The following MCUB variants were observed in gnomAD, a reference collection of about 807,000 sequenced individuals.
The protein encoded by MCUB is calcium uniporter regulatory subunit MCUb, mitochondrial.
Under a neutral mutation model 41.4 loss-of-function variants are expected in MCUB, and 46 were observed. The observed-to-expected ratio is 1.11, with a 90% CI of 0.88 to 1.42. The LOEUF is 1.42. Ranked by LOEUF, MCUB falls within the 40% of genes most tolerant of loss-of-function variation. MCUB has a pLI of 0.00. For synonymous variants in MCUB, 148 were observed against 148.2 expected (o/e 1.00, Z 0.01); for missense variants, 403 against 404.9 (o/e 1.00, Z 0.04).
Position 109,680,668 on chromosome 4 carries a change from G to C in MCUB, c.452-1914G>C, listed in dbSNP as rs151048377. On this transcript the variant is annotated intron_variant, in intron 4 of 7. Coordinates refer to ENST00000394650, the MANE Select transcript of MCUB (RefSeq NM_017918.5). ...GCAGCTATAGCCTAGACTATGGAAG[G>C]GGGTAAAGACCACAGCAGTCTTGAA... is the stretch of plus-strand genomic sequence containing the variant. 1.8e-4 allele frequency among the ~76,000 whole-genome samples: 28 copies of C among 152,136 alleles called. 1 individual carries two copies. Among genetic ancestry groups the C allele is most frequent in the East Asian group, 1.2e-3 (6 of 5,200 alleles).
At chr4:109,625,199 C>G (rs1163450602) in intron 1 of MCUB, among the ~76,000 whole-genome samples, 1 of 152,126 alleles carries the variant, frequency 6.6e-6, no homozygotes. Context: ...CTGAAGAACA[C>G]TATGCCTGCT....
At chr4:109,687,402 T>C (rs1285139006) in intron 7 of MCUB, 113 bp from the exon 8 acceptor site, 3 of 695,296 alleles carry the variant, frequency 4.3e-6, no homozygotes, top group Non-Finnish European at 7.4e-6. Flanking sequence ...ACTAATAGTT[T>C]AAACATTTTA....
At chr4:109,650,145 C>G (rs542984074) in intron 1 of MCUB, among the ~76,000 whole-genome samples, 2 of 152,250 alleles carry the variant, frequency 1.3e-5, no homozygotes, top group Admixed American at 6.5e-5. Flanking sequence ...GTGAGTCATT[C>G]TTGAAATTCA....
At position 109,685,266 on chromosome 4, in the gene MCUB, G is replaced by T; in HGVS notation, c.832G>T (p.Ala278Ser). 1 of 1,429,928 alleles carries T rather than the reference G, an allele frequency of 7.0e-7. No homozygotes were observed. Among genetic ancestry groups the T allele is most frequent in the Non-Finnish European group, 9.9e-7 (1 of 1,014,912 alleles). The allele number at this position is 1,429,928 out of a possible 1,614,324, so 88.6% of individuals were successfully genotyped here. The change falls in exon 7 of 8, where the codon GCT becomes TCT. Residue 278 changes from alanine to serine, a missense_variant. Ala to Ser is a moderately conservative substitution (Grantham distance 99). Coordinates refer to ENST00000394650, the MANE Select transcript of MCUB (RefSeq NM_017918.5). ...IVTRQDYTYS[A>S]VKSRQFLQFF... Reference sequence around the variant, plus strand: ...TTTTTTTAAGGATTATACTTACTCAGCTGTTAAGAGTAGGCAATTTCTTCA... The same window carrying T: ...TTTTTTTAAGGATTATACTTACTCATCTGTTAAGAGTAGGCAATTTCTTCA...
intron 1 of MCUB, among the ~76,000 whole-genome samples, chr4:109,597,758 C>CGG (rs1376186416): frequency 6.7e-6 from 1 of 148,634 alleles, no homozygotes; most frequent in African/African-American, 2.5e-5. Flanking sequence ...CCCTCCCGGA[C>CGG]GGGGTGGCTG....
At chr4:109,669,539 TG>T (rs995327072) in intron 4 of MCUB, among the ~76,000 whole-genome samples, 2 of 152,164 alleles carry the variant, frequency 1.3e-5, no homozygotes, top group Non-Finnish European at 2.9e-5. Context: ...CTGAGCTTCC[TG>T]GATCTGTGGT....
chr4:109,667,480 G>A (rs767545227), intron 4 of MCUB, among the ~76,000 whole-genome samples: 4 of 150,332 alleles, frequency 2.7e-5, no homozygotes, highest in Non-Finnish European at 4.4e-5. Context: ...TTTTTTTCTT[G>A]ATTAACCTGG....
chr4:109,631,729 G>A (rs560426828), intron 1 of MCUB, among the ~76,000 whole-genome samples: 2 of 152,272 alleles, frequency 1.3e-5, no homozygotes, highest in Admixed American at 1.3e-4. Flanking sequence ...AGGACCTGGG[G>A]AGACAATGCA....
At chr4:109,566,395 G>T (rs143556177) in intron 1 of MCUB, among the ~76,000 whole-genome samples, 3,062 of 151,130 alleles carry the variant, frequency 0.02, 42 homozygotes, top group Non-Finnish European at 0.029. Flanking sequence ...ACATGAACCC[G>T]GGAGGCAGAG....
chr4:109,658,683 T>C lies in MCUB; in HGVS notation c.100-328T>C, dbSNP rs1031655047. ...CATGTCTCTAGACTAGATATACTTATGTCCATTTGTTTTAGATTATTACCT... is the reference window on the plus strand; with the variant it reads ...CATGTCTCTAGACTAGATATACTTACGTCCATTTGTTTTAGATTATTACCT... On this transcript the variant is annotated intron_variant, in intron 1 of 7. Coordinates refer to ENST00000394650, the MANE Select transcript of MCUB (RefSeq NM_017918.5). Among the ~76,000 whole-genome samples the C allele has an allele frequency of 2.0e-5, 3 of 152,320 alleles. 1 individual carries two copies. The South Asian group carries it at 6.2e-4, about 32-fold the overall frequency.
chr4:109,615,279 C>T (rs1728100967), intron 1 of MCUB, among the ~76,000 whole-genome samples: 1 of 151,916 alleles, frequency 6.6e-6, no homozygotes, highest in Non-Finnish European at 1.5e-5. Context: ...AGATGTCAGC[C>T]CCCGGGATTA....
At chr4:109,641,326 G>A (rs185640273) in intron 1 of MCUB, among the ~76,000 whole-genome samples, 6 of 148,082 alleles carry the variant, frequency 4.1e-5, no homozygotes, top group Admixed American at 1.4e-4. Flanking sequence ...GGATGGTCTC[G>A]ATCTCCTGAC....
intron 1 of MCUB, among the ~76,000 whole-genome samples, chr4:109,565,690 C>T (rs188373773): frequency 2.6e-5 from 4 of 152,178 alleles, no homozygotes; most frequent in African/African-American, 9.6e-5. Context: ...CCTAAGATGT[C>T]TGTTATATAA....
At chr4:109,613,454 G>T (rs1222890088) in intron 1 of MCUB, among the ~76,000 whole-genome samples, 1 of 152,218 alleles carries the variant, frequency 6.6e-6, no homozygotes, top group East Asian at 1.9e-4. Flanking sequence ...GCTGCATTCA[G>T]TTACTTATAG....
At chr4:109,682,473 C>A in intron 4 of MCUB, 109 bp from the exon 5 acceptor site, 1 of 855,754 alleles carries the variant, frequency 1.2e-6, no homozygotes, top group East Asian at 2.5e-5. Context: ...GCTTCCTTAC[C>A]CTGTGGATCC....
rs1445756574 is a variant in MCUB, at chr4:109,612,268, T to TC, written c.100-46743_100-46742insC. Among the ~76,000 whole-genome samples, 407 of 145,324 alleles carry TC rather than the reference T, an allele frequency of 2.8e-3. 2 individuals carry two copies. Among genetic ancestry groups the TC allele is most frequent in the Non-Finnish European group, 3.2e-3 (215 of 66,190 alleles). The stretch of plus-strand genomic sequence containing the variant: ...TTCTTCCTCCTCCTCCTTTTCTTTT[T>TC]TTTTTTTTTTTTTTGAGAGCGTCTC... On this transcript the variant is annotated intron_variant, in intron 1 of 7. Transcript: ENST00000394650.
At chr4:109,643,109 T>C (rs1280536443) in intron 1 of MCUB, among the ~76,000 whole-genome samples, 3 of 151,748 alleles carry the variant, frequency 2.0e-5, no homozygotes, top group African/African-American at 7.3e-5. Flanking sequence ...AGCTAGATTT[T>C]AATACGGGAA....
chr4:109,649,285 C>T (rs1728907714), intron 1 of MCUB, among the ~76,000 whole-genome samples: 1 of 152,162 alleles, frequency 6.6e-6, no homozygotes, highest in Non-Finnish European at 1.5e-5. Context: ...TTTCTCCTTT[C>T]TTATCTTCTC....
intron 1 of MCUB, among the ~76,000 whole-genome samples, chr4:109,606,630 A>T (rs2126132424): frequency 6.6e-6 from 1 of 152,314 alleles, no homozygotes; most frequent in South Asian, 2.1e-4. Context: ...AAACAAGCAA[A>T]CTAACAAGTA....
Sources: gnomAD v4.1 joint callset for allele counts (sites outside exome capture counted in the v4.1 genomes callset) on GRCh38, gnomAD v4.1.1 for gene constraint, MANE v1.5 for transcripts, NCBI Gene and HGNC (gene_info 2026-07-23, HGNC 2026-07-21) for gene names.